DNAH14: variants seen among roughly 807,000 people sequenced by gnomAD.
The protein encoded by DNAH14 is dynein axonemal heavy chain 14, also known as axonemal beta dynein heavy chain 14.
A neutral mutation model predicts 520.9 loss-of-function variants in DNAH14; 478 were observed. That is an observed-to-expected ratio of 0.92 (90% CI 0.85 to 0.99). The LOEUF is 0.99. Among genes scored for constraint, DNAH14 ranks in the 50% least tolerant of loss-of-function variants. The pLI, the probability that DNAH14 is intolerant of heterozygous loss-of-function variation, is 0.00. For synonymous variants in DNAH14, 1,581 were observed against 1,757.2 expected (o/e 0.90, Z 2.51); for missense variants, 4,831 against 5,234.5 (o/e 0.92, Z 2.38).
chr1:225,086,134 T>A (rs10465525), intron 21 of DNAH14, among the ~76,000 whole-genome samples: 6,977 of 150,214 alleles, frequency 0.046, 330 homozygotes, highest in African/African-American at 0.13. Flanking sequence ...TAATAATAAT[T>A]ATTATTATTA....
chr1:225,096,421 G>C (rs189498794), intron 21 of DNAH14, among the ~76,000 whole-genome samples: 1 of 152,254 alleles, frequency 6.6e-6, no homozygotes, highest in East Asian at 1.9e-4. Context: ...GTTATAAATG[G>C]TTCCCCATGA....
At chr1:225,032,827 G>A (rs2066633078) in intron 11 of DNAH14, among the ~76,000 whole-genome samples, 1 of 152,082 alleles carries the variant, frequency 6.6e-6, no homozygotes, top group Admixed American at 6.6e-5. Context: ...TTTTTCTAAT[G>A]ATCAGTGATA....
Position 225,071,705 on chromosome 1 carries a change from G to A in DNAH14, c.2425-7502G>A, listed in dbSNP as rs570272241. 2.0e-5 allele frequency among the ~76,000 whole-genome samples: 3 copies of A among 152,286 alleles called. No individual in the cohort carries two copies. The South Asian group carries it at 6.2e-4, about 32-fold the overall frequency. On this transcript the variant is annotated intron_variant, in intron 17 of 85. Transcript: ENST00000682510. Reference sequence around the variant, plus strand: ...CTCACAGTTCAGCATGACTGTGAAGGCCTCAGGAAACTTACAATCATGGTA... The same window carrying A: ...CTCACAGTTCAGCATGACTGTGAAGACCTCAGGAAACTTACAATCATGGTA...
At chr1:225,129,123 C>A (rs1276631942) in intron 27 of DNAH14, among the ~76,000 whole-genome samples, 1 of 151,682 alleles carries the variant, frequency 6.6e-6, no homozygotes, top group Non-Finnish European at 1.5e-5. Flanking sequence ...ATGTGAAGGA[C>A]CTCTTCAAGG....
intron 54 of DNAH14, among the ~76,000 whole-genome samples, chr1:225,283,272 G>A (rs919982633): frequency 6.6e-5 from 10 of 151,832 alleles, no homozygotes; most frequent in African/African-American, 9.7e-5. Context: ...CCAACTATAT[G>A]CTATCAACAA....
At position 225,144,507 on chromosome 1, in the gene DNAH14, T is replaced by C. The variant is rs989742640; in HGVS notation, c.4619T>C (p.Ile1540Thr). 3.9e-5 allele frequency: 61 copies of C among 1,551,444 alleles called. No homozygotes were observed. Among genetic ancestry groups the C allele is most frequent in the Non-Finnish European group, 4.5e-5 (52 of 1,146,990 alleles). ...EYLGCTSRLVITPLTDRCWLT... is the reference protein window; with the variant it reads ...EYLGCTSRLVTTPLTDRCWLT... ...TTGGGCTGTACCTCAAGATTGGTTA[T>C]TACGCCTCTCACAGACCGATGCTGG... The change falls in exon 29 of 86, where the codon ATT (isoleucine) becomes ACT (threonine). Residue 1540 changes from isoleucine to threonine, a missense_variant. Transcript: ENST00000682510.
At chr1:225,008,057 A>T (rs913080931) in intron 10 of DNAH14, among the ~76,000 whole-genome samples, 44 of 151,674 alleles carry the variant, frequency 2.9e-4, no homozygotes, top group African/African-American at 1.1e-3. Context: ...TATTTCTCCT[A>T]ATGCTATCCC....
intron 21 of DNAH14, 87 bp from the exon 22 acceptor site, chr1:225,097,031 C>A: frequency 2.8e-6 from 3 of 1,088,074 alleles, no homozygotes; most frequent in South Asian, 2.4e-5. Context: ...GACTGATAAT[C>A]ACCTTTGATC....
At chr1:225,105,114 T>C (rs2075906602) in intron 23 of DNAH14, among the ~76,000 whole-genome samples, 1 of 152,196 alleles carries the variant, frequency 6.6e-6, no homozygotes. Flanking sequence ...TCAAAGAACA[T>C]CTTTATTTCT....
chr1:225,265,068 A>G, intron 47 of DNAH14, 114 bp from the exon 48 acceptor site: 1 of 773,178 alleles, frequency 1.3e-6, no homozygotes, highest in Non-Finnish European at 2.0e-6. Flanking sequence ...CTTGAAAATG[A>G]CAACAAAATA....
chr1:225,124,538 G>A (rs1449056031), intron 27 of DNAH14, among the ~76,000 whole-genome samples: 2 of 152,158 alleles, frequency 1.3e-5, no homozygotes, highest in African/African-American at 4.8e-5. Context: ...TCCATAAGAG[G>A]CAACTTGTCT....
intron 21 of DNAH14, 147 bp from the exon 22 acceptor site, chr1:225,096,971 A>T: frequency 1.6e-6 from 1 of 643,586 alleles, no homozygotes. Context: ...ATACAATTAG[A>T]TCTGTATTCA....
chr1:224,968,651 CA>C, intron 6 of DNAH14, 107 bp from the exon 7 acceptor site: 1 of 683,416 alleles, frequency 1.5e-6, no homozygotes, highest in Non-Finnish European at 2.3e-6. Context: ...ATTATAAAGG[CA>C]AGAAGTTACA....
chr1:225,336,037 A>G (rs1337874958), intron 66 of DNAH14, among the ~76,000 whole-genome samples: 5 of 100,332 alleles, frequency 5.0e-5, no homozygotes, highest in East Asian at 3.8e-4. Context: ...GTATATACAC[A>G]CATATATGCA....
At chr1:225,320,487 A>G (rs1319314246) in intron 61 of DNAH14, among the ~76,000 whole-genome samples, 1 of 152,128 alleles carries the variant, frequency 6.6e-6, no homozygotes, top group African/African-American at 2.4e-5. Flanking sequence ...CTCCTTTGTT[A>G]TATTGCTAAT....
At chr1:225,074,170 T>G (rs1402348392) in intron 17 of DNAH14, among the ~76,000 whole-genome samples, 2 of 151,486 alleles carry the variant, frequency 1.3e-5, no homozygotes, top group African/African-American at 4.9e-5. Flanking sequence ...CGGCTAATTT[T>G]TTGTATTTTT....
intron 65 of DNAH14, among the ~76,000 whole-genome samples, chr1:225,331,779 A>T (rs72750816): frequency 0.096 from 14,678 of 152,240 alleles, 852 homozygotes; most frequent in East Asian, 0.26. Flanking sequence ...ACAGACTACA[A>T]GTATCTGACG....
chr1:225,006,690 A>G (rs1424920434), intron 9 of DNAH14, among the ~76,000 whole-genome samples: 1 of 152,198 alleles, frequency 6.6e-6, no homozygotes, highest in Non-Finnish European at 1.5e-5. Context: ...ATCGATGACA[A>G]TGCATGCCCA....
chr1:225,318,243 A>G (rs1232132135), intron 60 of DNAH14, among the ~76,000 whole-genome samples: 1 of 152,212 alleles, frequency 6.6e-6, no homozygotes, highest in Non-Finnish European at 1.5e-5. Flanking sequence ...CTGAAGTTTA[A>G]GCTTCGTAGC....
Sources: allele counts gnomAD v4.1 joint callset (sites outside exome capture counted in the v4.1 genomes callset), GRCh38; gene constraint gnomAD v4.1.1; transcripts MANE v1.5; gene names NCBI Gene and HGNC (gene_info 2026-07-23, HGNC 2026-07-21).